FAM178B: variants seen among roughly 807,000 people sequenced by gnomAD.
FAM178B encodes protein FAM178B.
FAM178B carries 82 observed loss-of-function variants against 91.7 expected under a neutral mutation model. The ratio of observed to expected loss-of-function variants is 0.89; its 90% CI spans 0.75 to 1.07. The LOEUF is 1.07. Among genes scored for constraint, FAM178B ranks in the 50% least tolerant of loss-of-function variants. The pLI is 0.00. For synonymous variants in FAM178B, 368 were observed against 359.4 expected (o/e 1.02, Z -0.27); for missense variants, 769 against 846.7 (o/e 0.91, Z 1.14).
At chr2:96,967,814 G>A (rs1008384062) in intron 4 of FAM178B, among the ~76,000 whole-genome samples, 187 bp from the exon 5 acceptor site, 1 of 150,544 alleles carries the variant, frequency 6.6e-6, no homozygotes, top group Non-Finnish European at 1.5e-5. Context: ...TACATAGACT[G>A]TGCTTTCCCC....
At chr2:96,986,202 C>A in intron 1 of FAM178B, 39 bp downstream of exon 1, 1 of 1,533,862 alleles carries the variant, frequency 6.5e-7, no homozygotes, top group Non-Finnish European at 8.7e-7. Context: ...TGAGCGCTAA[C>A]CACGCGCCCC....
intron 5 of FAM178B, among the ~76,000 whole-genome samples, chr2:96,964,719 T>A (rs2082123023): frequency 6.6e-6 from 1 of 152,196 alleles, no homozygotes; most frequent in South Asian, 2.1e-4. Context: ...TACTGCCCAT[T>A]CTTCTCCTTC....
rs972866080 is a variant in FAM178B at position 96,891,548 on chromosome 2, C to T, written c.1776+2378G>A. On this transcript the variant is annotated intron_variant, in intron 14 of 16. Coordinates refer to ENST00000490605, the MANE Select transcript of FAM178B (RefSeq NM_001122646.3). ...CGTTCACCTAGTGCCAAATGTGGGA[C>T]GCAGTGCTAGAGACACTGCATGTGC... Among the ~76,000 whole-genome samples, 8 of 138,928 alleles carry T rather than the reference C, an allele frequency of 5.8e-5. No individual in the cohort carries two copies. In the East Asian group the frequency reaches 2.3e-3, roughly 40 times the overall value. 91.1% of individuals were successfully genotyped at this position (138,928 alleles called of 152,430 possible). A position where few individuals can be genotyped will look rare whatever the true frequency, so the allele number is the denominator to read the frequency against.
intron 8 of FAM178B, 124 bp downstream of exon 8, chr2:96,947,694 C>T: frequency 1.6e-6 from 1 of 617,024 alleles, no homozygotes; most frequent in Non-Finnish European, 2.9e-6. Context: ...CCTGATGCCT[C>T]TACACCCTGG....
intron 9 of FAM178B, among the ~76,000 whole-genome samples, chr2:96,925,964 T>A (rs1232841678): frequency 6.6e-6 from 1 of 152,128 alleles, no homozygotes; most frequent in Non-Finnish European, 1.5e-5. Flanking sequence ...GTGTTAATTG[T>A]CATGTATTTA....
Position 96,880,730 on chromosome 2 carries a change from G to T in FAM178B, c.1777-2237C>A, listed in dbSNP as rs376187753. ...CTGCCTCAGCCTCTGGAATAGCTGG[G>T]ACTACAGGCGCCCGCCACCGTGCCC... On this transcript the variant is annotated intron_variant, in intron 14 of 16. Coordinates refer to ENST00000490605, the MANE Select transcript of FAM178B (RefSeq NM_001122646.3). 3.1e-4 allele frequency among the ~76,000 whole-genome samples: 47 copies of T among 152,302 alleles called. 1 individual carries two copies. The East Asian group carries it at 4.1e-3, about 13-fold the overall frequency.
intron 13 of FAM178B, among the ~76,000 whole-genome samples, chr2:96,900,870 C>A (rs2080913798): frequency 6.6e-6 from 1 of 152,330 alleles, no homozygotes; most frequent in Admixed American, 6.5e-5. Context: ...TGTGCTGGAA[C>A]ATTGTCTCAG....
At chr2:96,952,433 ACCGTGTGCCCATTCACACCAC>A (rs2081942915) in intron 6 of FAM178B, among the ~76,000 whole-genome samples, 2 of 152,136 alleles carry the variant, frequency 1.3e-5, no homozygotes. Flanking sequence ...TGTGGCTGTG[ACCGTGTGCCCATTCACACCAC>A]CCCCTCGGGC....
intron 8 of FAM178B, among the ~76,000 whole-genome samples, chr2:96,932,865 A>C (rs1222160147): frequency 2.1e-5 from 3 of 146,272 alleles, no homozygotes; most frequent in Non-Finnish European, 4.5e-5. Context: ...GCTTGAACCC[A>C]GGAGGCAAAG....
chr2:96,898,329 G>A (rs974513706), intron 13 of FAM178B, among the ~76,000 whole-genome samples: 32 of 152,252 alleles, frequency 2.1e-4, no homozygotes, highest in South Asian at 4.2e-4. Flanking sequence ...AGGCTAAGGC[G>A]GTGCCCTGCA....
At chr2:96,904,804 G>A (rs1316202246) in intron 12 of FAM178B, among the ~76,000 whole-genome samples, 1 of 152,002 alleles carries the variant, frequency 6.6e-6, no homozygotes, top group Non-Finnish European at 1.5e-5. Context: ...CCTGAGCCTA[G>A]GAGTTTGTGG....
intron 9 of FAM178B, among the ~76,000 whole-genome samples, chr2:96,927,795 C>T (rs1305724318): frequency 6.6e-6 from 1 of 152,194 alleles, no homozygotes; most frequent in Non-Finnish European, 1.5e-5. Flanking sequence ...TGCCGCCTCC[C>T]ACTCCCAGGA....
Position 96,955,775 on chromosome 2 carries a change from TG to T in FAM178B, c.888-4292del, listed in dbSNP as rs541385555. ...TGCTACCTCCGCTTGCTCTTTATTT[TG>T]GGGGGCAGATGCAGCCAGCTGGAAG... is the stretch of plus-strand genomic sequence containing the variant. On this transcript the variant is annotated intron_variant, in intron 6 of 16. Transcript: ENST00000490605. Among the ~76,000 whole-genome samples the T allele has an allele frequency of 4.6e-3, 700 of 152,290 alleles. 8 individuals are homozygous for T. Among genetic ancestry groups the T allele is most frequent in the African/African-American group, 0.016 (655 of 41,558 alleles).
chr2:96,895,660 G>T (rs1321225483), intron 13 of FAM178B, among the ~76,000 whole-genome samples: 2 of 152,358 alleles, frequency 1.3e-5, no homozygotes, highest in Non-Finnish European at 2.9e-5. Context: ...AGCCCTGGGG[G>T]CAGGGCGGGG....
At chr2:96,958,403 G>A (rs2082031031) in intron 6 of FAM178B, among the ~76,000 whole-genome samples, 2 of 151,350 alleles carry the variant, frequency 1.3e-5, no homozygotes, top group South Asian at 4.2e-4. Flanking sequence ...AAAGAAAATT[G>A]AAGGCCAGGC....
intron 6 of FAM178B, among the ~76,000 whole-genome samples, chr2:96,954,216 T>G (rs932104686): frequency 6.6e-6 from 1 of 152,202 alleles, no homozygotes; most frequent in Non-Finnish European, 1.5e-5. Context: ...CTGTCAGACC[T>G]GAGGATCCCA....
chr2:96,890,681 T>G (rs2080655818), intron 14 of FAM178B, among the ~76,000 whole-genome samples: 1 of 152,188 alleles, frequency 6.6e-6, no homozygotes, highest in Admixed American at 6.5e-5. Flanking sequence ...TTTTTCTGCC[T>G]GCGGCCAAAA....
At chr2:96,948,474 G>A (rs1178854443) in intron 7 of FAM178B, among the ~76,000 whole-genome samples, 1 of 152,216 alleles carries the variant, frequency 6.6e-6, no homozygotes, top group Non-Finnish European at 1.5e-5. Context: ...AATGCTCCTG[G>A]AGCCTGACAG....
intron 6 of FAM178B, among the ~76,000 whole-genome samples, chr2:96,959,797 T>G (rs928877071): frequency 1.3e-5 from 2 of 152,198 alleles, no homozygotes; most frequent in Admixed American, 1.3e-4. Flanking sequence ...GATCATGCAT[T>G]TACTCCCAAA....
Sources: allele counts gnomAD v4.1 joint callset (sites outside exome capture counted in the v4.1 genomes callset), GRCh38; gene constraint gnomAD v4.1.1; transcripts MANE v1.5; gene names NCBI Gene and HGNC (gene_info 2026-07-23, HGNC 2026-07-21).